Variants in MYO15B observed in about 807,000 individuals in gnomAD.
MYO15B encodes the protein myosin XVB pseudogene.
In MYO15B, 207 loss-of-function variants were observed where a neutral mutation model predicts 119.3. The ratio of observed to expected loss-of-function variants is 1.73; its 90% confidence interval spans 1.55 to 1.95. The LOEUF (loss-of-function observed/expected upper bound fraction) is 1.95. Among genes scored for constraint, MYO15B ranks in the 30% most tolerant of loss-of-function variants. MYO15B has a pLI of 0.00. For synonymous variants in MYO15B, 966 were observed against 498.9 expected (o/e 1.94, Z -12.48); for missense variants, 2,264 against 1,203.1 (o/e 1.88, Z -13.04).
exon 12 of MYO15B, chr17:75,594,876 C>T: frequency 1.4e-6 from 1 of 703,074 alleles, no homozygotes; most frequent in Non-Finnish European, 2.6e-6. Context: ...CCCGCCTCTT[C>T]CACCGGCTTC....
exon 41 of MYO15B, chr17:75,617,229 C>T (rs748369015): frequency 4.3e-6 from 3 of 698,002 alleles, no homozygotes; most frequent in Non-Finnish European, 7.8e-6. Context: ...GCCTATTGCC[C>T]ACACACCCCC....
chr17:75,616,198 TGGCCCG>T (rs2148034062), intron 37 of MYO15B, 51 bp downstream of exon 37: 1 of 572,562 alleles, frequency 1.7e-6, no homozygotes, highest in African/African-American at 1.9e-5. Context: ...CCAGTGCCCC[TGGCCCG>T]GGCCAGGGAG....
At chr17:75,606,939 T>G in intron 21 of MYO15B, 2 of 398,606 alleles carry the variant, frequency 5.0e-6, no homozygotes, top group East Asian at 7.1e-5. Flanking sequence ...ACAGCCTGTC[T>G]TCACACATTC....
intron 21 of MYO15B, among the ~76,000 whole-genome samples, chr17:75,609,053 A>G (rs1213014699): frequency 6.6e-6 from 1 of 151,812 alleles, no homozygotes; most frequent in African/African-American, 2.4e-5. Flanking sequence ...TTTAGTAGAG[A>G]CGGGGATTCA....
At chr17:75,608,745 T>A (rs1330878192) in intron 21 of MYO15B, among the ~76,000 whole-genome samples, 1 of 151,794 alleles carries the variant, frequency 6.6e-6, no homozygotes, top group Non-Finnish European at 1.5e-5. Flanking sequence ...GTTGTTGTTT[T>A]TCTTTTGAGA....
Position 75,624,771 on chromosome 17 carries a change from G to A in MYO15B, c.8543G>A (p.Ser2848Asn), listed in dbSNP as rs775897818. ...CAGTGGACCTAGGCTCCCCATGCAG[G>A]CCAGCTGGTGCGGCCCCTGCAGCCC... Residue 2848 changes from serine to asparagine, a missense_variant and splice_region_variant, in exon 59 of 64, where the codon AGC (serine) becomes AAC (asparagine). Ser to Asn is a conservative substitution (Grantham distance 46). Transcript: ENST00000645453. 7 of 702,904 alleles carry A rather than the reference G, an allele frequency of 1.0e-5. No homozygotes were observed. In the South Asian group the frequency reaches 1.0e-4, roughly 10 times the overall value. The allele number at this position is 702,904 out of a possible 1,614,324, so 43.5% of individuals were successfully genotyped here.
chr17:75,611,702 C>T (rs1198206026), intron 24 of MYO15B, 44 bp downstream of exon 24: 5 of 702,322 alleles, frequency 7.1e-6, no homozygotes, highest in Admixed American at 2.0e-5. Context: ...CTTCTCCAGT[C>T]CCTTTACTGT....
chr17:75,590,289 C>T (rs555463736), intron 1 of MYO15B, 46 bp downstream of exon 1: 4 of 399,064 alleles, frequency 1.0e-5, no homozygotes, highest in African/African-American at 6.2e-5. Flanking sequence ...CTCACAGCTC[C>T]TCATATCCAC....
Position 75,612,023 on chromosome 17 carries a change from G to T in MYO15B, c.4635+7G>T. On this transcript the variant is annotated splice_region_variant and intron_variant, in intron 25 of 63. Coordinates refer to ENST00000645453, the Ensembl canonical transcript of MYO15B. ...CGTCGCCATCGGCTTTCAGGTGGGC[G>T]CCCAGGCCTAAGCTCTTCCCGCTGG... 1.4e-6 allele frequency: 1 copy of T among 702,878 alleles called. No individual in the cohort carries two copies. Among genetic ancestry groups the T allele is most frequent in the Admixed American group, 2.0e-5 (1 of 50,002 alleles). 43.5% of individuals were successfully genotyped at this position (702,878 alleles called of 1,614,324 possible).
chr17:75,592,754 G>A (rs940652274), exon 9 of MYO15B: 44 of 702,690 alleles, frequency 6.3e-5, no homozygotes, highest in Admixed American at 3.0e-4. Context: ...GCAGGGGCTC[G>A]GCTTGTGCCC....
chr17:75,608,866 TG>T (rs768692565), intron 21 of MYO15B, among the ~76,000 whole-genome samples: 1 of 152,158 alleles, frequency 6.6e-6, no homozygotes, highest in East Asian at 1.9e-4. Context: ...ATGAAGTAGC[TG>T]GGACTACAGG....
chr17:75,615,537 C>A, exon 35 of MYO15B: 1 of 700,968 alleles, frequency 1.4e-6, no homozygotes, highest in South Asian at 1.5e-5. Flanking sequence ...CGCTTCCCAG[C>A]CTGGATGCAG....
intron 14 of MYO15B, among the ~76,000 whole-genome samples, chr17:75,599,648 T>C (rs2057113227): frequency 6.6e-6 from 1 of 151,676 alleles, no homozygotes; most frequent in Non-Finnish European, 1.5e-5. Context: ...GGCTCATCTC[T>C]GTAATCCCAG....
chr17:75,591,314 A>G, intron 4 of MYO15B, 68 bp downstream of exon 4: 1 of 688,020 alleles, frequency 1.5e-6, no homozygotes, highest in South Asian at 1.5e-5. Flanking sequence ...GCGGGGCCTG[A>G]GGTCTTCACT....
At chr17:75,624,313 G>C (rs1319812326) in intron 56 of MYO15B, 44 bp downstream of exon 56, 1 of 702,888 alleles carries the variant, frequency 1.4e-6, no homozygotes, top group South Asian at 1.5e-5. Context: ...CCCTGGGGTG[G>C]GGAGTGTCTC....
chr17:75,601,529 C>G, exon 15 of MYO15B: 3 of 703,180 alleles, frequency 4.3e-6, no homozygotes, highest in Non-Finnish European at 7.8e-6. Context: ...CCCGTGTTCA[C>G]CGTGCGACAT....
chr17:75,595,903 C>T (rs543752807), intron 12 of MYO15B, among the ~76,000 whole-genome samples: 23 of 152,336 alleles, frequency 1.5e-4, no homozygotes, highest in Admixed American at 7.8e-4. Flanking sequence ...AGTCCCTGGA[C>T]GGGCACTATT....
chr17:75,594,165 A>G (rs1387749076), intron 9 of MYO15B, among the ~76,000 whole-genome samples: 1 of 151,448 alleles, frequency 6.6e-6, no homozygotes, highest in African/African-American at 2.4e-5. Flanking sequence ...ATCACTTTGC[A>G]TTTGTTTTCT....
chr17:75,614,010 C>G (rs1032497241), intron 29 of MYO15B, 189 bp from the exon 30 acceptor site: 3 of 599,862 alleles, frequency 5.0e-6, no homozygotes, highest in Non-Finnish European at 8.9e-6. Context: ...TGCTGGAGCC[C>G]TTGTGGAAGT....
Sources: allele counts gnomAD v4.1 joint callset (sites outside exome capture counted in the v4.1 genomes callset), GRCh38; gene constraint gnomAD v4.1.1; transcripts MANE v1.5; gene names NCBI Gene and HGNC (gene_info 2026-07-23, HGNC 2026-07-21).